SLC24A3: variants seen among roughly 807,000 people sequenced by gnomAD.
SLC24A3 encodes the protein sodium/potassium/calcium exchanger 3.
Under a neutral mutation model 75.8 loss-of-function variants are expected in SLC24A3, and 28 were observed. The observed-to-expected ratio is 0.37, with a 90% CI of 0.27 to 0.51. The LOEUF is 0.51. Among genes scored for constraint, SLC24A3 ranks in the 20% least tolerant of loss-of-function variants. SLC24A3 has a pLI of 0.94. For synonymous variants in SLC24A3, 372 were observed against 334.1 expected (o/e 1.11, Z -1.24); for missense variants, 663 against 847.8 (o/e 0.78, Z 2.71).
At chr20:19,460,724 C>T (rs747720884) in intron 2 of SLC24A3, among the ~76,000 whole-genome samples, 9 of 152,130 alleles carry the variant, frequency 5.9e-5, no homozygotes, top group Non-Finnish European at 8.8e-5. Context: ...GCATGTTAGC[C>T]GTATGGAAGG....
At chr20:19,473,024 C>G (rs777349739) in intron 2 of SLC24A3, among the ~76,000 whole-genome samples, 100 of 152,172 alleles carry the variant, frequency 6.6e-4, no homozygotes, top group Non-Finnish European at 1.2e-3. Context: ...TCGGGGGCCA[C>G]TGATCAAGGC....
intron 3 of SLC24A3, among the ~76,000 whole-genome samples, chr20:19,554,018 A>G (rs954562120): frequency 6.6e-6 from 1 of 152,176 alleles, no homozygotes; most frequent in Non-Finnish European, 1.5e-5. Context: ...ACCAAGAGGA[A>G]TGAATCCAAT....
At chr20:19,522,298 A>G (rs1000686891) in intron 3 of SLC24A3, among the ~76,000 whole-genome samples, 6 of 152,146 alleles carry the variant, frequency 3.9e-5, no homozygotes. Flanking sequence ...CTGCTGCTTT[A>G]CTCAGTCCTC....
chr20:19,441,914 G>GTGACATTTCTTCCAGAATGTCACATAGT (rs1987305346), intron 2 of SLC24A3, among the ~76,000 whole-genome samples: 3 of 151,516 alleles, frequency 2.0e-5, no homozygotes, highest in Non-Finnish European at 4.4e-5. Context: ...TTTTTTTTAT[G>GTGACATTTCTTCCAGAATGTCACATAGT]TGACATTTCT....
chr20:19,685,045 G>C, intron 11 of SLC24A3, 55 bp from the exon 12 acceptor site: 1 of 1,539,904 alleles, frequency 6.5e-7, no homozygotes, highest in Non-Finnish European at 8.8e-7. Context: ...TGTTCTGAGT[G>C]TAAGGTATTT....
intron 8 of SLC24A3, among the ~76,000 whole-genome samples, chr20:19,669,492 ACT>A (rs1288775063): frequency 6.0e-5 from 9 of 150,180 alleles, no homozygotes; most frequent in Non-Finnish European, 1.3e-4. Flanking sequence ...ACCGAGCAAG[ACT>A]CTGTCTCAAA....
intron 2 of SLC24A3, among the ~76,000 whole-genome samples, chr20:19,364,517 G>A (rs1985850228): frequency 6.6e-6 from 1 of 151,874 alleles, no homozygotes. Context: ...GGGCAGTGGT[G>A]CAGTCATGTT....
At chr20:19,362,089 C>T (rs960235656) in intron 2 of SLC24A3, among the ~76,000 whole-genome samples, 3 of 152,114 alleles carry the variant, frequency 2.0e-5, no homozygotes, top group Non-Finnish European at 2.9e-5. Flanking sequence ...TGGAAATTTT[C>T]CATTAAAAAT....
chr20:19,283,212 A>C (rs1471259468), intron 2 of SLC24A3: 1 of 152,654 alleles, frequency 6.6e-6, no homozygotes, highest in Non-Finnish European at 1.5e-5. Context: ...GAAGATGATC[A>C]TGCCTGAAAC....
intron 2 of SLC24A3, among the ~76,000 whole-genome samples, chr20:19,406,201 TGTGTGTGC>T (rs1342527377): frequency 1.3e-5 from 2 of 149,796 alleles, no homozygotes; most frequent in African/African-American, 5.1e-5. Context: ...TGTGTGTGTG[TGTGTGTGC>T]GTGCGTGTGT....
chr20:19,284,809 G>C (rs1011947196), intron 2 of SLC24A3, among the ~76,000 whole-genome samples: 1 of 152,212 alleles, frequency 6.6e-6, no homozygotes, highest in Non-Finnish European at 1.5e-5. Context: ...GTTGGGGCAT[G>C]ATTCTGGTTT....
chr20:19,543,462 A>C (rs2030536502), intron 3 of SLC24A3, among the ~76,000 whole-genome samples: 1 of 152,242 alleles, frequency 6.6e-6, no homozygotes, highest in African/African-American at 2.4e-5. Context: ...GTGAGTACTT[A>C]CTGATATCCT....
intron 6 of SLC24A3, among the ~76,000 whole-genome samples, chr20:19,648,563 A>G (rs1221983467): frequency 6.6e-6 from 1 of 151,640 alleles, no homozygotes; most frequent in Non-Finnish European, 1.5e-5. Context: ...TAAATATTAT[A>G]TAATATTACA....
chr20:19,682,705 A>G (rs1333853101), intron 10 of SLC24A3, among the ~76,000 whole-genome samples: 1 of 152,208 alleles, frequency 6.6e-6, no homozygotes, highest in Non-Finnish European at 1.5e-5. Context: ...GTTTAGTGCA[A>G]TGCTCTATAA....
intron 2 of SLC24A3, among the ~76,000 whole-genome samples, chr20:19,293,380 G>A (rs1361596310): frequency 6.6e-6 from 1 of 152,114 alleles, no homozygotes; most frequent in Non-Finnish European, 1.5e-5. Context: ...TCCTGGCTGG[G>A]CATGGTGGCT....
chr20:19,718,850 A>G (rs1261075775), intron 16 of SLC24A3, among the ~76,000 whole-genome samples: 1 of 152,220 alleles, frequency 6.6e-6, no homozygotes, highest in Non-Finnish European at 1.5e-5. Context: ...CAGTCTAGAG[A>G]CACCATAGTG....
chr20:19,583,631 T>C (rs1267288966), intron 4 of SLC24A3, among the ~76,000 whole-genome samples: 1 of 152,154 alleles, frequency 6.6e-6, no homozygotes, highest in Non-Finnish European at 1.5e-5. Flanking sequence ...ACCCAAGGTT[T>C]GGATGCCACA....
rs564738517 is a variant in SLC24A3, at chr20:19,636,012, C to A, written c.613-18050C>A. 2.2e-3 allele frequency among the ~76,000 whole-genome samples: 342 copies of A among 152,206 alleles called. 4 individuals carry two copies. Among genetic ancestry groups the A allele is most frequent in the Non-Finnish European group, 4.3e-3 (289 of 67,998 alleles). ...AAAATTAGCCAGGCGTGGTGGCGGG[C>A]GCCTGTGGTCCCAGCTACTTGGGAG... On this transcript the variant is annotated intron_variant, in intron 6 of 16. Transcript: ENST00000328041.
intron 2 of SLC24A3, among the ~76,000 whole-genome samples, chr20:19,470,191 T>C (rs1214511605): frequency 6.6e-6 from 1 of 152,236 alleles, no homozygotes; most frequent in Non-Finnish European, 1.5e-5. Context: ...CAAATGTTCG[T>C]GCAAATATCC....
Sources: allele counts gnomAD v4.1 joint callset (sites outside exome capture counted in the v4.1 genomes callset), GRCh38; gene constraint gnomAD v4.1.1; transcripts MANE v1.5; gene names NCBI Gene and HGNC (gene_info 2026-07-23, HGNC 2026-07-21).